The following AGBL1 variants were observed in gnomAD, a reference collection of about 807,000 sequenced individuals.
The protein encoded by AGBL1 is AGBL carboxypeptidase 1, also known as cytosolic carboxypeptidase 4.
AGBL1 carries 130 observed loss-of-function variants against 118.9 expected under a neutral mutation model. That is an observed-to-expected ratio of 1.09 (90% CI 0.95 to 1.26). The LOEUF (loss-of-function observed/expected upper bound fraction) is 1.26. Among genes scored for constraint, AGBL1 ranks in the 50% most tolerant of loss-of-function variants. AGBL1 has a pLI of 0.00. For synonymous variants in AGBL1, 555 were observed against 478.9 expected (o/e 1.16, Z -2.08); for missense variants, 1,584 against 1,298.1 (o/e 1.22, Z -3.38).
intron 17 of AGBL1, among the ~76,000 whole-genome samples, chr15:86,375,969 A>T (rs2081036663): frequency 6.6e-6 from 1 of 152,236 alleles, no homozygotes; most frequent in African/African-American, 2.4e-5. Context: ...TGAGCCAGGC[A>T]GCCAAACTGC....
At chr15:86,647,883 G>A (rs2085310829) in intron 21 of AGBL1, among the ~76,000 whole-genome samples, 1 of 152,150 alleles carries the variant, frequency 6.6e-6, no homozygotes, top group African/African-American at 2.4e-5. Context: ...ATTTGAATAT[G>A]TGAGGACGTG....
chr15:86,338,124 A>G (rs1331223055), intron 17 of AGBL1, among the ~76,000 whole-genome samples: 2 of 152,198 alleles, frequency 1.3e-5, no homozygotes, highest in Non-Finnish European at 2.9e-5. Context: ...ATAAGGGGAC[A>G]TGGGGACATG....
At chr15:86,619,160 T>A (rs1023551065) in intron 21 of AGBL1, among the ~76,000 whole-genome samples, 1 of 152,084 alleles carries the variant, frequency 6.6e-6, no homozygotes, top group African/African-American at 2.4e-5. Flanking sequence ...TGAGGCACCA[T>A]ACTAGGCCCG....
chr15:86,300,667 T>C (rs2079730950), intron 17 of AGBL1, among the ~76,000 whole-genome samples: 1 of 152,146 alleles, frequency 6.6e-6, no homozygotes, highest in African/African-American at 2.4e-5. Flanking sequence ...GGTGAGATAA[T>C]CTCACTCCCC....
chr15:86,141,348 C>T (rs2076960444), intron 1 of AGBL1, among the ~76,000 whole-genome samples: 1 of 152,144 alleles, frequency 6.6e-6, no homozygotes, highest in Non-Finnish European at 1.5e-5. Context: ...CTGTTTCTTG[C>T]CTCTGTGCTG....
At chr15:86,664,943 C>A (rs920432574) in intron 21 of AGBL1, among the ~76,000 whole-genome samples, 2 of 151,822 alleles carry the variant, frequency 1.3e-5, no homozygotes, top group African/African-American at 4.8e-5. Context: ...AGGTAATTTG[C>A]GGATTTTAAA....
chr15:86,740,207 G>C (rs1217365319), intron 22 of AGBL1, among the ~76,000 whole-genome samples: 1 of 152,200 alleles, frequency 6.6e-6, no homozygotes, highest in Non-Finnish European at 1.5e-5. Context: ...TTGTTGTAAA[G>C]TATAAAGAAG....
chr15:86,962,813 C>G (rs2081006473), intron 23 of AGBL1, among the ~76,000 whole-genome samples: 1 of 151,992 alleles, frequency 6.6e-6, no homozygotes, highest in Non-Finnish European at 1.5e-5. Context: ...CACCTCAGAG[C>G]TATTGAATGA....
At chr15:86,503,795 AT>A (rs1407308180) in intron 18 of AGBL1, among the ~76,000 whole-genome samples, 1 of 151,502 alleles carries the variant, frequency 6.6e-6, no homozygotes, top group African/African-American at 2.4e-5. Context: ...CAAATAATAT[AT>A]TTGTATGATT....
chr15:86,550,724 G>A (rs8042879), intron 20 of AGBL1, among the ~76,000 whole-genome samples: 98,282 of 151,782 alleles, frequency 0.65, 33,522 homozygotes, highest in East Asian at 0.89. Context: ...AAATTAGTAT[G>A]GAGAACACCT....
intron 21 of AGBL1, among the ~76,000 whole-genome samples, chr15:86,580,452 A>G (rs2142330339): frequency 6.6e-6 from 1 of 152,040 alleles, no homozygotes; most frequent in South Asian, 2.1e-4. Flanking sequence ...GTATGAATTT[A>G]TTTTTATCAT....
intron 7 of AGBL1, among the ~76,000 whole-genome samples, chr15:86,251,573 C>T (rs2078816537): frequency 6.6e-6 from 1 of 152,082 alleles, no homozygotes; most frequent in Non-Finnish European, 1.5e-5. Flanking sequence ...CTTCCCACAC[C>T]TTTGCCATCA....
chr15:86,317,576 G>A (rs967554806), intron 17 of AGBL1, among the ~76,000 whole-genome samples: 2 of 152,210 alleles, frequency 1.3e-5, no homozygotes, highest in East Asian at 3.8e-4. Flanking sequence ...TTTGAGAGGC[G>A]AAAGAATTTG....
intron 1 of AGBL1, among the ~76,000 whole-genome samples, chr15:86,107,254 C>T (rs2141523781): frequency 6.6e-6 from 1 of 152,260 alleles, no homozygotes; most frequent in Non-Finnish European, 1.5e-5. Flanking sequence ...CTGTTCTGTT[C>T]TTATTTCTTC....
chr15:86,668,623 T>G (rs2085687823), intron 21 of AGBL1, among the ~76,000 whole-genome samples: 1 of 152,214 alleles, frequency 6.6e-6, no homozygotes, highest in South Asian at 2.1e-4. Flanking sequence ...AATGATGCTC[T>G]GTTTTATAAA....
At chr15:86,452,478 A>T (rs148151908) in intron 18 of AGBL1, among the ~76,000 whole-genome samples, 1 of 152,138 alleles carries the variant, frequency 6.6e-6, no homozygotes, top group East Asian at 1.9e-4. Flanking sequence ...TACACCAGGA[A>T]CTCCTTCATG....
chr15:86,195,444 A>G (rs1458168388), intron 5 of AGBL1, among the ~76,000 whole-genome samples: 1 of 152,188 alleles, frequency 6.6e-6, no homozygotes, highest in African/African-American at 2.4e-5. Context: ...ATTGCATTTA[A>G]CACACAGTTA....
intron 22 of AGBL1, among the ~76,000 whole-genome samples, chr15:86,878,165 A>G (rs1313631976): frequency 6.6e-6 from 1 of 152,194 alleles, no homozygotes. Flanking sequence ...CAGAATGAAG[A>G]CATGCTTTTA....
rs2079046312 is a variant in AGBL1 at position 86,264,740 on chromosome 15, T to G, written c.1569T>G (p.Ser523=). The change falls in exon 11 of 23, where the codon TCT becomes TCG. Residue 523 remains serine, a synonymous_variant. Coordinates refer to ENST00000614907, the MANE Select transcript of AGBL1 (RefSeq NM_001386094.1). The part of the protein sequence containing the change: ...LYMAKARRTS[S]VVDFKMMAFP... Reference sequence around the variant, plus strand: ...TGGCCAAAGCCAGAAGAACCAGCTCTGTGGTGGACTTCAAGATGATGGCAT... The same window carrying G: ...TGGCCAAAGCCAGAAGAACCAGCTCGGTGGTGGACTTCAAGATGATGGCAT... 2 of 1,613,924 alleles carry G rather than the reference T, an allele frequency of 1.2e-6. No homozygotes were observed. The highest frequency in any genetic ancestry group is 1.3e-5 in the African/African-American group (1 of 74,942).
Sources: gnomAD v4.1 joint callset for allele counts (sites outside exome capture counted in the v4.1 genomes callset) on GRCh38, gnomAD v4.1.1 for gene constraint, MANE v1.5 for transcripts, NCBI Gene and HGNC (gene_info 2026-07-23, HGNC 2026-07-21) for gene names.